The following MAGI2 variants were observed in gnomAD, a reference collection of about 807,000 sequenced individuals.
The protein encoded by MAGI2 is membrane-associated guanylate kinase, WW and PDZ domain-containing protein 2.
Under a neutral mutation model 133.3 loss-of-function variants are expected in MAGI2, and 35 were observed. The ratio of observed to expected loss-of-function variants is 0.26; its 90% CI spans 0.20 to 0.35. The LOEUF is 0.35. MAGI2 is among the 10% of genes least tolerant of loss of function. MAGI2 has a pLI of 1.00. For missense variants in MAGI2, 1,636 were observed against 1,863.4 expected, an observed-to-expected ratio of 0.88 and a Z score of 2.25; for synonymous variants, 729 against 710.6, an observed-to-expected ratio of 1.03 and a Z score of -0.41.
chr7:78,430,642 A>C (rs915312406), intron 6 of MAGI2, among the ~76,000 whole-genome samples: 6 of 152,076 alleles, frequency 3.9e-5, no homozygotes, highest in African/African-American at 1.4e-4. Flanking sequence ...AATCCCACAG[A>C]TAAGGCTGGA....
Position 79,407,614 on chromosome 7 carries a change from G to C in MAGI2, c.301+45406C>G, listed in dbSNP as rs1022081764. 2.0e-5 allele frequency among the ~76,000 whole-genome samples: 3 copies of C among 152,162 alleles called. No individual in the cohort carries two copies. The South Asian group carries it at 6.2e-4, about 32-fold the overall frequency. On this transcript the variant is annotated intron_variant, in intron 1 of 21. Transcript: ENST00000354212. ...GTTGGTATGACGAACATTGCTATGA[G>C]CTTGTATTTTGTGAGAATTTTGGTC...
intron 6 of MAGI2, among the ~76,000 whole-genome samples, chr7:78,420,539 G>C (rs1357512186): frequency 7.6e-6 from 1 of 131,974 alleles, no homozygotes; most frequent in East Asian, 2.4e-4. Flanking sequence ...AACCTACAAT[G>C]GTTGAAATGA....
chr7:78,689,788 T>C (rs1378938472), intron 2 of MAGI2, among the ~76,000 whole-genome samples: 4 of 149,252 alleles, frequency 2.7e-5, no homozygotes, highest in Non-Finnish European at 5.9e-5. Context: ...TAGTATTTCA[T>C]TGTAATAAGA....
intron 20 of MAGI2, among the ~76,000 whole-genome samples, chr7:78,103,851 T>G (rs919723672): frequency 2.1e-4 from 32 of 152,270 alleles, no homozygotes; most frequent in Non-Finnish European, 2.8e-4. Flanking sequence ...ACTTTATACT[T>G]GTATTTAGTG....
intron 1 of MAGI2, among the ~76,000 whole-genome samples, chr7:79,435,733 C>T (rs1053036742): frequency 6.6e-6 from 1 of 152,006 alleles, no homozygotes; most frequent in Non-Finnish European, 1.5e-5. Context: ...CTACCAACAT[C>T]ATTTTTCTCA....
At chr7:78,593,220 G>A (rs996148420) in intron 3 of MAGI2, among the ~76,000 whole-genome samples, 1 of 151,588 alleles carries the variant, frequency 6.6e-6, no homozygotes, top group African/African-American at 2.4e-5. Context: ...GTGAAACCCT[G>A]TCTCTACTAA....
chr7:78,572,077 T>A (rs907841647), intron 3 of MAGI2, among the ~76,000 whole-genome samples: 1 of 152,100 alleles, frequency 6.6e-6, no homozygotes, highest in Non-Finnish European at 1.5e-5. Flanking sequence ...ATACAACAAA[T>A]TAAAAAAAGA....
At chr7:78,668,427 G>C (rs1813906268) in intron 2 of MAGI2, among the ~76,000 whole-genome samples, 1 of 150,862 alleles carries the variant, frequency 6.6e-6, no homozygotes, top group Non-Finnish European at 1.5e-5. Flanking sequence ...TTTGTCTTTT[G>C]TTGCCATTGC....
intron 2 of MAGI2, among the ~76,000 whole-genome samples, chr7:78,896,631 A>C (rs1027418223): frequency 1.3e-5 from 2 of 151,662 alleles, no homozygotes; most frequent in South Asian, 4.2e-4. Context: ...GCAGTCGTGC[A>C]ATCTCGGCTC....
At chr7:78,296,491 A>G (rs1314999222) in intron 9 of MAGI2, among the ~76,000 whole-genome samples, 1 of 152,182 alleles carries the variant, frequency 6.6e-6, no homozygotes, top group East Asian at 1.9e-4. Context: ...CACTTCTGAC[A>G]TAATATCCAG....
intron 1 of MAGI2, among the ~76,000 whole-genome samples, chr7:79,016,696 C>A (rs560023722): frequency 2.0e-5 from 3 of 152,148 alleles, no homozygotes; most frequent in African/African-American, 7.2e-5. Flanking sequence ...GAACCCCAAC[C>A]CTCCAACACT....
intron 2 of MAGI2, among the ~76,000 whole-genome samples, chr7:78,781,117 G>C (rs975575028): frequency 4.6e-5 from 7 of 152,172 alleles, no homozygotes; most frequent in East Asian, 3.9e-4. Flanking sequence ...GGTGGCTCAC[G>C]CCTGTAATCC....
At chr7:79,144,277 T>C (rs1262689792) in intron 1 of MAGI2, among the ~76,000 whole-genome samples, 1 of 152,150 alleles carries the variant, frequency 6.6e-6, no homozygotes, top group East Asian at 1.9e-4. Flanking sequence ...TGGATTTGTG[T>C]CTCCAAATCT....
chr7:78,774,025 A>C (rs974089416), intron 2 of MAGI2, among the ~76,000 whole-genome samples: 1 of 152,164 alleles, frequency 6.6e-6, no homozygotes, highest in East Asian at 1.9e-4. Context: ...AAGAATATCT[A>C]TTTTTAAGCA....
chr7:78,812,923 A>T (rs1036620071), intron 2 of MAGI2, among the ~76,000 whole-genome samples: 3 of 152,224 alleles, frequency 2.0e-5, no homozygotes, highest in Non-Finnish European at 4.4e-5. Flanking sequence ...TACTTCCATC[A>T]TCAAGAATTG....
chr7:78,586,016 G>A (rs1174104211), intron 3 of MAGI2, among the ~76,000 whole-genome samples: 1 of 152,140 alleles, frequency 6.6e-6, no homozygotes, highest in Admixed American at 6.5e-5. Flanking sequence ...GGTAGACAAA[G>A]TAGACTCATA....
chr7:79,436,701 T>C (rs1478601935), intron 1 of MAGI2, among the ~76,000 whole-genome samples: 1 of 152,148 alleles, frequency 6.6e-6, no homozygotes, highest in Non-Finnish European at 1.5e-5. Context: ...AAATAACAGA[T>C]GCTGGCAAGG....
chr7:79,081,624 A>G (rs999079824), intron 1 of MAGI2, among the ~76,000 whole-genome samples: 3 of 152,192 alleles, frequency 2.0e-5, no homozygotes, highest in African/African-American at 7.2e-5. Context: ...ATTATCTTGG[A>G]TATGAACTGT....
intron 10 of MAGI2, among the ~76,000 whole-genome samples, chr7:78,230,558 G>GT (rs1789864127): frequency 6.6e-6 from 1 of 152,036 alleles, no homozygotes; most frequent in Non-Finnish European, 1.5e-5. Flanking sequence ...TCTGATACCT[G>GT]TTTTTAATGA....
Sources: gnomAD v4.1 joint callset for allele counts (sites outside exome capture counted in the v4.1 genomes callset) on GRCh38, gnomAD v4.1.1 for gene constraint, MANE v1.5 for transcripts, NCBI Gene and HGNC (gene_info 2026-07-23, HGNC 2026-07-21) for gene names.